Variants in CLASP2 observed in about 807,000 individuals in gnomAD.
CLASP2 encodes cytoplasmic linker associated protein 2.
Under a neutral mutation model 194.4 loss-of-function variants are expected in CLASP2, and 47 were observed. The ratio of observed to expected loss-of-function variants is 0.24; its 90% confidence interval spans 0.19 to 0.31. The LOEUF (loss-of-function observed/expected upper bound fraction) is 0.31. Among genes scored for constraint, CLASP2 ranks in the 10% least tolerant of loss-of-function variants. The probability of loss-of-function intolerance (pLI) is 1.00; values close to 1 mark genes in which losing one functional copy is unlikely to be tolerated. For synonymous variants in CLASP2, 619 were observed against 633.5 expected (o/e 0.98, Z 0.34); for missense variants, 1,445 against 1,823.6 (o/e 0.79, Z 3.78).
intron 10 of CLASP2, among the ~76,000 whole-genome samples, chr3:33,623,820 GTTTTAT>G (rs1322401540): frequency 2.0e-5 from 3 of 151,970 alleles, no homozygotes; most frequent in African/African-American, 7.3e-5. Flanking sequence ...TCATATTGTG[GTTTTAT>G]TTTTATTTTT....
chr3:33,559,141 G>A (rs776124460), intron 29 of CLASP2, 166 bp downstream of exon 29: 1 of 696,208 alleles, frequency 1.4e-6, no homozygotes, highest in Non-Finnish European at 2.6e-6. Flanking sequence ...GCTCCAAAAA[G>A]AGTGAAGCTG....
chr3:33,580,008 A>G (rs966763853), intron 23 of CLASP2, among the ~76,000 whole-genome samples: 1 of 152,256 alleles, frequency 6.6e-6, no homozygotes, highest in Admixed American at 6.5e-5. Flanking sequence ...CTGCAGACTA[A>G]CTCTATTGCA....
Position 33,599,638 on chromosome 3 carries a change from G to T in CLASP2, c.1925-2904C>A, listed in dbSNP as rs1473364404. Among the ~76,000 whole-genome samples, 5 of 152,300 alleles carry T rather than the reference G, an allele frequency of 3.3e-5. No individual in the cohort carries two copies. In the Middle Eastern group the frequency reaches 0.014, roughly 414 times the overall value. On this transcript the variant is annotated intron_variant, in intron 18 of 38. Coordinates refer to ENST00000682230, the MANE Select transcript of CLASP2 (RefSeq NM_001365631.1). Reference sequence around the variant, plus strand: ...GCAAAAACTAAGTGCTCAAGTGTGTGCTGAAAACTAACAGAACACTCCCTC... The same window carrying T: ...GCAAAAACTAAGTGCTCAAGTGTGTTCTGAAAACTAACAGAACACTCCCTC...
intron 11 of CLASP2, among the ~76,000 whole-genome samples, chr3:33,620,458 T>TG (rs1206256231): frequency 6.6e-6 from 1 of 152,232 alleles, no homozygotes; most frequent in Admixed American, 6.5e-5. Flanking sequence ...TGTATCTTAC[T>TG]GAAAACATGG....
At chr3:33,687,596 C>T (rs2090845086) in intron 4 of CLASP2, among the ~76,000 whole-genome samples, 1 of 152,128 alleles carries the variant, frequency 6.6e-6, no homozygotes, top group East Asian at 1.9e-4. Context: ...ACTGAGTACA[C>T]TTATAGGCTC....
intron 1 of CLASP2, among the ~76,000 whole-genome samples, chr3:33,704,059 G>C (rs2092542242): frequency 6.6e-6 from 1 of 152,200 alleles, no homozygotes. Context: ...GATGGTAAAA[G>C]GATCAGTGAC....
chr3:33,520,803 A>G, intron 34 of CLASP2, among the ~76,000 whole-genome samples: 1 of 148,630 alleles, frequency 6.7e-6, no homozygotes, highest in African/African-American at 2.5e-5. Context: ...AGATATGGAA[A>G]CAGAGATGTA....
intron 6 of CLASP2, among the ~76,000 whole-genome samples, chr3:33,679,778 T>G (rs1312509938): frequency 6.6e-6 from 1 of 152,226 alleles, no homozygotes; most frequent in Non-Finnish European, 1.5e-5. Context: ...CCTTCACTGC[T>G]GGTGGGAATA....
At chr3:33,536,280 G>A (rs922395173) in intron 33 of CLASP2, among the ~76,000 whole-genome samples, 11 of 150,958 alleles carry the variant, frequency 7.3e-5, no homozygotes, top group African/African-American at 2.2e-4. Flanking sequence ...CTTAATGAAC[G>A]AATAAAGTAT....
At chr3:33,517,409 C>G (rs572950765) in intron 34 of CLASP2, among the ~76,000 whole-genome samples, 3 of 152,194 alleles carry the variant, frequency 2.0e-5, no homozygotes, top group South Asian at 2.1e-4. Context: ...TATAATGAAC[C>G]CTTATATTCC....
intron 11 of CLASP2, among the ~76,000 whole-genome samples, chr3:33,620,757 T>C (rs1449128138): frequency 6.6e-6 from 1 of 152,162 alleles, no homozygotes; most frequent in East Asian, 1.9e-4. Context: ...TTTAGTACTA[T>C]TCCTATGCAA....
At chr3:33,543,737 CT>C (rs1309737042) in intron 31 of CLASP2, among the ~76,000 whole-genome samples, 198 bp from the exon 32 acceptor site, 3 of 152,138 alleles carry the variant, frequency 2.0e-5, no homozygotes, top group African/African-American at 7.2e-5. Flanking sequence ...ACTCTTTAGT[CT>C]TTTTCTGTTC....
chr3:33,565,255 T>C (rs1027282245), intron 27 of CLASP2, among the ~76,000 whole-genome samples: 11 of 152,106 alleles, frequency 7.2e-5, no homozygotes, highest in Admixed American at 2.0e-4. Context: ...CTCGGCTCAC[T>C]GAAACCTCTG....
intron 21 of CLASP2, among the ~76,000 whole-genome samples, chr3:33,586,706 T>C (rs2067453911): frequency 6.6e-6 from 1 of 151,908 alleles, no homozygotes; most frequent in South Asian, 2.1e-4. Flanking sequence ...AAAACTAAAG[T>C]TGCAATTAAA....
chr3:33,510,432 G>C (rs2049413519), intron 37 of CLASP2, 126 bp downstream of exon 37: 3 of 844,598 alleles, frequency 3.6e-6, no homozygotes, highest in East Asian at 5.3e-5. Flanking sequence ...AAAAGTCTTT[G>C]TCCTGAATAT....
chr3:33,611,473 T>A (rs1004541982), intron 13 of CLASP2, among the ~76,000 whole-genome samples: 6 of 152,196 alleles, frequency 3.9e-5, no homozygotes, highest in African/African-American at 1.4e-4. Context: ...TATTCAGGTT[T>A]ACAGGTGTGA....
intron 10 of CLASP2, among the ~76,000 whole-genome samples, chr3:33,626,473 A>G (rs2078068150): frequency 2.0e-5 from 3 of 152,172 alleles, no homozygotes; most frequent in Admixed American, 2.0e-4. Context: ...ACCAAATCAA[A>G]TATTCTTAAC....
chr3:33,699,872 CAA>C (rs34347002), intron 1 of CLASP2, among the ~76,000 whole-genome samples: 10 of 93,930 alleles, frequency 1.1e-4, no homozygotes, highest in African/African-American at 1.1e-4. Flanking sequence ...ATTGTACTAC[CAA>C]AAAAAAAAAA....
At chr3:33,625,148 T>C (rs1385372829) in intron 10 of CLASP2, among the ~76,000 whole-genome samples, 2 of 133,288 alleles carry the variant, frequency 1.5e-5, no homozygotes, top group South Asian at 2.3e-4. Flanking sequence ...AAAAAATAAC[T>C]GAAAATCCAT....
Sources: allele counts gnomAD v4.1 joint callset (sites outside exome capture counted in the v4.1 genomes callset), GRCh38; gene constraint gnomAD v4.1.1; transcripts MANE v1.5; gene names NCBI Gene and HGNC (gene_info 2026-07-23, HGNC 2026-07-21).